LPP: variants seen among roughly 807,000 people sequenced by gnomAD.
LPP encodes the protein lipoma-preferred partner.
LPP carries 38 observed loss-of-function variants against 60.4 expected under a neutral mutation model. The observed-to-expected ratio is 0.63, with a 90% confidence interval of 0.49 to 0.83. LPP has a LOEUF of 0.83. Among genes scored for constraint, LPP ranks in the 40% least tolerant of loss-of-function variants. The pLI is 0.00. For synonymous variants in LPP, 328 were observed against 290.8 expected, an observed-to-expected ratio of 1.13 and a Z score of -1.30; for missense variants, 902 against 783.6, an observed-to-expected ratio of 1.15 and a Z score of -1.80.
At chr3:188,836,202 G>A (rs1758406785) in intron 9 of LPP, among the ~76,000 whole-genome samples, 1 of 152,166 alleles carries the variant, frequency 6.6e-6, no homozygotes, top group Non-Finnish European at 1.5e-5. Context: ...ATTTCTCTTT[G>A]TGTGAGCTAT....
intron 5 of LPP, among the ~76,000 whole-genome samples, chr3:188,497,437 T>A (rs1281289216): frequency 6.6e-6 from 1 of 152,220 alleles, no homozygotes; most frequent in Non-Finnish European, 1.5e-5. Context: ...ATTCTTTCCA[T>A]TAGAAATTAT....
upstream of LPP, chr3:188,153,655 GC>G (rs1468320068): frequency 6.6e-6 from 1 of 152,302 alleles, no homozygotes; most frequent in African/African-American, 2.4e-5. Context: ...GAAATGCAAT[GC>G]CCTCAGTGCG....
chr3:188,616,297 T>C (rs1844836295), intron 7 of LPP, among the ~76,000 whole-genome samples: 1 of 152,232 alleles, frequency 6.6e-6, no homozygotes, highest in African/African-American at 2.4e-5. Flanking sequence ...TTTAGTTTTC[T>C]GCATACAGCT....
chr3:188,606,156 T>C (rs985488219), intron 6 of LPP, among the ~76,000 whole-genome samples: 1 of 152,154 alleles, frequency 6.6e-6, no homozygotes, highest in Non-Finnish European at 1.5e-5. Flanking sequence ...CACAGTACTC[T>C]CTTTGTCCTG....
chr3:188,474,094 A>G (rs1444726826), intron 4 of LPP, among the ~76,000 whole-genome samples: 1 of 152,232 alleles, frequency 6.6e-6, no homozygotes, highest in Non-Finnish European at 1.5e-5. Context: ...GGCAAAGTTG[A>G]CCATGGGAAA....
At chr3:188,514,296 C>T (rs1370216963) in intron 5 of LPP, among the ~76,000 whole-genome samples, 1 of 151,896 alleles carries the variant, frequency 6.6e-6, no homozygotes, top group Non-Finnish European at 1.5e-5. Context: ...CTAGTGTTCG[C>T]TTGTTCATTG....
chr3:188,737,018 A>G (rs1234367087), intron 8 of LPP, among the ~76,000 whole-genome samples: 1 of 152,028 alleles, frequency 6.6e-6, no homozygotes, highest in Non-Finnish European at 1.5e-5. Context: ...AATTTATATA[A>G]AAAAATGGGT....
chr3:188,634,995 T>C (rs904166894), intron 7 of LPP, among the ~76,000 whole-genome samples: 3 of 152,122 alleles, frequency 2.0e-5, no homozygotes, highest in Non-Finnish European at 2.9e-5. Flanking sequence ...CAGAAAGAGA[T>C]TGTGCAGCCG....
chr3:188,485,331 T>A (rs2378426), intron 5 of LPP, among the ~76,000 whole-genome samples: 32,082 of 152,124 alleles, frequency 0.21, 5,200 homozygotes, highest in African/African-American at 0.45. Flanking sequence ...CATCGGTAAC[T>A]GCCGAAAGCT....
At chr3:188,868,814 C>T (rs1294651374) in intron 10 of LPP, among the ~76,000 whole-genome samples, 1 of 152,172 alleles carries the variant, frequency 6.6e-6, no homozygotes, top group Non-Finnish European at 1.5e-5. Context: ...CAGTTCAACT[C>T]ACATTTATAA....
chr3:188,708,635 T>A (rs996677563), intron 8 of LPP: 1 of 566,926 alleles, frequency 1.8e-6, no homozygotes, highest in African/African-American at 1.9e-5. Flanking sequence ...TAGATACAAA[T>A]TTTATTGTTG....
chr3:188,353,778 G>C (rs183543664), intron 3 of LPP, among the ~76,000 whole-genome samples: 1 of 152,278 alleles, frequency 6.6e-6, no homozygotes, highest in East Asian at 1.9e-4. Context: ...TTTGTTTTCA[G>C]TAAAGCCAGA....
At chr3:188,402,365 T>C (rs1421271205) in intron 3 of LPP, among the ~76,000 whole-genome samples, 6 of 152,248 alleles carry the variant, frequency 3.9e-5, no homozygotes, top group African/African-American at 1.4e-4. Flanking sequence ...ACAAAGGATT[T>C]ATTCTAGGCA....
intron 2 of LPP, among the ~76,000 whole-genome samples, chr3:188,339,662 C>A (rs1446202373): frequency 6.6e-6 from 1 of 152,126 alleles, no homozygotes; most frequent in African/African-American, 2.4e-5. Context: ...ATGAGAACAG[C>A]ATGGGGGAAA....
chr3:188,856,514 G>A (rs1047470298), intron 9 of LPP, among the ~76,000 whole-genome samples: 1 of 152,164 alleles, frequency 6.6e-6, no homozygotes, highest in Non-Finnish European at 1.5e-5. Context: ...CCAGCGAAAA[G>A]AGCTTTATAA....
intron 4 of LPP, among the ~76,000 whole-genome samples, chr3:188,423,920 T>C (rs1788575362): frequency 6.6e-6 from 1 of 151,886 alleles, no homozygotes. Flanking sequence ...TTCACTCTGA[T>C]AGATAGTTTT....
In LPP at chr3:188,562,201, C is replaced by T. The variant is rs2150694584; in HGVS notation, c.429+37414C>T. The T allele has an allele frequency of 1.3e-5, 2 of 152,070 alleles. 1 individual carries two copies. The highest frequency in any genetic ancestry group is 6.8e-3 in the Middle Eastern group (2 of 294). The allele number at this position is 152,070 out of a possible 1,614,324, so 9.4% of individuals were successfully genotyped here. On this transcript the variant is annotated intron_variant, in intron 6 of 11. Transcript: ENST00000617246. ...ATTGTCAAGATTAAGTAGATCTGAA[C>T]ATTTGAGAAGGAGTTCCATAAAAAA...
At chr3:188,221,400 C>G (rs772804217) in intron 1 of LPP, among the ~76,000 whole-genome samples, 1 of 152,110 alleles carries the variant, frequency 6.6e-6, no homozygotes, top group Non-Finnish European at 1.5e-5. Flanking sequence ...TCTTCGACAC[C>G]CCTAGGCATG....
intron 1 of LPP, among the ~76,000 whole-genome samples, chr3:188,219,124 C>T (rs749112062): frequency 5.3e-5 from 8 of 152,054 alleles, no homozygotes; most frequent in Non-Finnish European, 1.0e-4. Flanking sequence ...AGGAATCACA[C>T]GTCCTCATAT....
Sources: allele counts gnomAD v4.1 joint callset (sites outside exome capture counted in the v4.1 genomes callset), GRCh38; gene constraint gnomAD v4.1.1; transcripts MANE v1.5; gene names NCBI Gene and HGNC (gene_info 2026-07-23, HGNC 2026-07-21).